The following NKAIN3 variants were observed in gnomAD, a reference collection of about 807,000 sequenced individuals.
NKAIN3 encodes sodium/potassium-transporting ATPase subunit beta-1-interacting protein 3.
Under a neutral mutation model 30.2 loss-of-function variants are expected in NKAIN3, and 25 were observed. The observed-to-expected ratio is 0.83, with a 90% CI of 0.60 to 1.16. The LOEUF (loss-of-function observed/expected upper bound fraction) is 1.16, where lower values mean the gene tolerates loss of function less well. Ranked by LOEUF, NKAIN3 falls within the 50% of genes most tolerant of loss-of-function variation. The pLI is 0.00. For missense variants in NKAIN3, 225 were observed against 254.1 expected (o/e 0.89, Z 0.78); for synonymous variants, 91 against 89.6 (o/e 1.02, Z -0.09).
intron 4 of NKAIN3, among the ~76,000 whole-genome samples, chr8:62,890,161 G>C (rs1184583039): frequency 6.6e-6 from 1 of 152,170 alleles, no homozygotes; most frequent in Admixed American, 6.5e-5. Flanking sequence ...GCATTAAAAT[G>C]TTCTGATAAG....
At chr8:62,856,830 C>T (rs551749667) in intron 4 of NKAIN3, 1 of 608,734 alleles carries the variant, frequency 1.6e-6, no homozygotes, top group Non-Finnish European at 3.0e-6. Context: ...TATAGAGCAT[C>T]ACTGCCAAGA....
intron 1 of NKAIN3, among the ~76,000 whole-genome samples, chr8:62,574,227 C>T (rs949617774): frequency 1.3e-5 from 2 of 152,082 alleles, no homozygotes; most frequent in African/African-American, 4.8e-5. Context: ...GGATCTTATT[C>T]TTTTTATGGT....
At chr8:62,257,155 A>T (rs898759525) in intron 1 of NKAIN3, among the ~76,000 whole-genome samples, 1 of 152,156 alleles carries the variant, frequency 6.6e-6, no homozygotes, top group Non-Finnish European at 1.5e-5. Flanking sequence ...AGTATTATTA[A>T]CTATAGTCAC....
chr8:62,817,606 T>C (rs187074920), intron 4 of NKAIN3, among the ~76,000 whole-genome samples: 11 of 152,214 alleles, frequency 7.2e-5, no homozygotes, highest in Non-Finnish European at 1.5e-4. Context: ...GGCATCTTGG[T>C]TCAGTTCTAT....
At chr8:62,651,348 C>T (rs1812613569) in intron 3 of NKAIN3, among the ~76,000 whole-genome samples, 2 of 152,232 alleles carry the variant, frequency 1.3e-5, no homozygotes, top group East Asian at 3.9e-4. Context: ...AAAAATCAAA[C>T]AGGAATAAAA....
chr8:62,943,247 T>C (rs1823020498), intron 5 of NKAIN3, among the ~76,000 whole-genome samples: 2 of 152,140 alleles, frequency 1.3e-5, no homozygotes, highest in African/African-American at 4.8e-5. Flanking sequence ...TAGGCAATTC[T>C]AAAAAGAAGA....
chr8:62,830,509 A>C (rs927286010), intron 4 of NKAIN3, among the ~76,000 whole-genome samples: 1 of 152,218 alleles, frequency 6.6e-6, no homozygotes, highest in East Asian at 1.9e-4. Flanking sequence ...CCCAATTAAC[A>C]TAATTTGCCT....
intron 1 of NKAIN3, among the ~76,000 whole-genome samples, chr8:62,298,190 A>G (rs1813907129): frequency 2.1e-5 from 3 of 141,336 alleles, no homozygotes; most frequent in East Asian, 2.3e-4. Context: ...GGGGGAGGGG[A>G]AGGGATAGCA....
chr8:62,354,206 T>C (rs1816273730), intron 1 of NKAIN3, among the ~76,000 whole-genome samples: 1 of 152,228 alleles, frequency 6.6e-6, no homozygotes, highest in African/African-American at 2.4e-5. Flanking sequence ...CCATGGTTTT[T>C]GTTATTTCTA....
intron 2 of NKAIN3, among the ~76,000 whole-genome samples, chr8:62,580,044 G>C (rs1248819356): frequency 6.6e-6 from 1 of 152,158 alleles, no homozygotes; most frequent in African/African-American, 2.4e-5. Flanking sequence ...ATAACTTTCA[G>C]TGACATTTGT....
chr8:62,822,384 A>G (rs923112113), intron 4 of NKAIN3, among the ~76,000 whole-genome samples: 1 of 152,166 alleles, frequency 6.6e-6, no homozygotes, highest in Non-Finnish European at 1.5e-5. Context: ...TAAATTATGT[A>G]CTAATCAATT....
At chr8:62,858,099 C>T (rs1466122947) in intron 4 of NKAIN3, among the ~76,000 whole-genome samples, 1 of 151,984 alleles carries the variant, frequency 6.6e-6, no homozygotes, top group Non-Finnish European at 1.5e-5. Flanking sequence ...AGTCTGATGG[C>T]TGTTGCATAG....
rs1824047226 is a variant in NKAIN3 at position 62,980,342 on chromosome 8, A to G, written c.*14935A>G. Reference sequence around the variant, plus strand: ...GCTCTTTTCTCCTTCTGGTTTCTCAAATCTACTTTTAACTTCAAATAGCAG... The same window carrying G: ...GCTCTTTTCTCCTTCTGGTTTCTCAGATCTACTTTTAACTTCAAATAGCAG... On this transcript the variant is annotated 3_prime_UTR_variant, in exon 7 of 7. Coordinates refer to ENST00000623646, the MANE Select transcript of NKAIN3 (RefSeq NM_001304533.3). 1 of 152,186 alleles carries G rather than the reference A, an allele frequency of 6.6e-6. No individual in the cohort carries two copies. The highest frequency in any genetic ancestry group is 1.5e-5 in the Non-Finnish European group (1 of 68,040). The allele number at this position is 152,186 out of a possible 1,614,324, so 9.4% of individuals were successfully genotyped here. A position where few individuals can be genotyped will look rare whatever the true frequency, so the allele number is the denominator to read the frequency against.
At chr8:62,798,244 G>T (rs751609765) in intron 4 of NKAIN3, among the ~76,000 whole-genome samples, 3 of 152,072 alleles carry the variant, frequency 2.0e-5, no homozygotes, top group African/African-American at 4.8e-5. Context: ...TCTCCTGTTG[G>T]GTTGCCGATA....
At chr8:62,903,558 A>G (rs552263478) in intron 4 of NKAIN3, among the ~76,000 whole-genome samples, 1 of 152,198 alleles carries the variant, frequency 6.6e-6, no homozygotes, top group South Asian at 2.1e-4. Flanking sequence ...AGAAAAAGAA[A>G]TGTGGCCACA....
intron 1 of NKAIN3, among the ~76,000 whole-genome samples, chr8:62,475,992 A>T (rs1443007838): frequency 6.6e-6 from 1 of 152,184 alleles, no homozygotes; most frequent in Non-Finnish European, 1.5e-5. Context: ...GATTCATAAT[A>T]AGAATAAAGT....
At chr8:62,477,526 G>T (rs1380949716) in intron 1 of NKAIN3, among the ~76,000 whole-genome samples, 1 of 152,130 alleles carries the variant, frequency 6.6e-6, no homozygotes, top group Non-Finnish European at 1.5e-5. Context: ...TCCCTCACAG[G>T]ATGGTTGCTT....
intron 1 of NKAIN3, among the ~76,000 whole-genome samples, chr8:62,428,123 T>C (rs148224813): frequency 1.3e-3 from 197 of 152,064 alleles, no homozygotes; most frequent in African/African-American, 4.6e-3. Flanking sequence ...GCTTATTTCA[T>C]TAAAATAACG....
intron 1 of NKAIN3, among the ~76,000 whole-genome samples, chr8:62,563,830 G>C (rs546733378): frequency 6.6e-6 from 1 of 152,230 alleles, no homozygotes; most frequent in East Asian, 1.9e-4. Context: ...TGTACATTAA[G>C]AAAACACTTG....
Sources: allele counts gnomAD v4.1 joint callset (sites outside exome capture counted in the v4.1 genomes callset), GRCh38; gene constraint gnomAD v4.1.1; transcripts MANE v1.5; gene names NCBI Gene and HGNC (gene_info 2026-07-23, HGNC 2026-07-21).